The following TRIM51G variants were observed in gnomAD, a reference collection of about 807,000 sequenced individuals.
TRIM51G encodes the protein tripartite motif-containing protein 51G.
the TRIM51G span, chr11:48,975,951 C>T: frequency 1.4e-6 from 1 of 724,250 alleles, no homozygotes; most frequent in African/African-American, 1.7e-5. Context: ...AATCTCCATG[C>T]AGGAAGATAT....
the TRIM51G span, chr11:48,978,074 C>A: frequency 2.1e-6 from 1 of 483,812 alleles, no homozygotes; most frequent in Non-Finnish European, 4.3e-6. Flanking sequence ...CCTTCAATAT[C>A]AAAGTTCCTG....
the TRIM51G span, chr11:48,978,973 T>G: frequency 6.4e-7 from 1 of 1,552,334 alleles, no homozygotes; most frequent in Non-Finnish European, 8.9e-7. Flanking sequence ...TTGCTTTCAT[T>G]GAGTTGCTGA....
At chr11:48,976,246 C>G in the TRIM51G span, among the ~76,000 whole-genome samples, 3 of 152,054 alleles carry the variant, frequency 2.0e-5, no homozygotes, top group Non-Finnish European at 4.4e-5. Context: ...GAATAAAAGA[C>G]CAGCCTGTTT....
the TRIM51G span, chr11:48,981,166 G>C: frequency 1.4e-5 from 20 of 1,455,862 alleles, no homozygotes; most frequent in Non-Finnish European, 1.9e-5. Flanking sequence ...AGTCAAGGAA[G>C]CTCATAACAG....
the TRIM51G span, chr11:48,976,086 C>G: frequency 0.03 from 11,282 of 372,508 alleles, 237 homozygotes; most frequent in Non-Finnish European, 0.042. Flanking sequence ...CAAGAATTTA[C>G]TTTGCCAAGA....
chr11:48,978,223 T>G, the TRIM51G span: 6 of 526,964 alleles, frequency 1.1e-5, no homozygotes. Context: ...AAGTTCATTG[T>G]GTGATATGGA....
the TRIM51G span, among the ~76,000 whole-genome samples, chr11:48,977,463 A>G: frequency 6.6e-6 from 1 of 152,150 alleles, no homozygotes; most frequent in East Asian, 1.9e-4. Context: ...TTCAAAAATG[A>G]AATTCTGGAT....
chr11:48,980,132 T>A, the TRIM51G span, among the ~76,000 whole-genome samples: 1 of 152,192 alleles, frequency 6.6e-6, no homozygotes, highest in African/African-American at 2.4e-5. Context: ...TTGTGTTTTC[T>A]TTCTTCTTTA....
At chr11:48,982,533 T>C in the TRIM51G span, among the ~76,000 whole-genome samples, 19 of 152,066 alleles carry the variant, frequency 1.2e-4, no homozygotes, top group Non-Finnish European at 2.4e-4. Flanking sequence ...TCAATGTGGG[T>C]GGACACTATC....
the TRIM51G span, among the ~76,000 whole-genome samples, chr11:48,982,158 C>T: frequency 2.0e-5 from 3 of 151,926 alleles, no homozygotes; most frequent in Non-Finnish European, 4.4e-5. Flanking sequence ...ACCCAGAAGC[C>T]GGCTCTTTAA....
At chr11:48,979,047 G>A in the TRIM51G span, 10 of 947,258 alleles carry the variant, frequency 1.1e-5, no homozygotes, top group Non-Finnish European at 1.7e-5. Context: ...ATGGAAAAAT[G>A]CAACCATCTT....
At chr11:48,983,863 C>G in the TRIM51G span, among the ~76,000 whole-genome samples, 1 of 152,026 alleles carries the variant, frequency 6.6e-6, no homozygotes, top group Non-Finnish European at 1.5e-5. Context: ...ATGCAGTTAA[C>G]TCTAAGTGCT....
At chr11:48,980,898 C>T in the TRIM51G span, 1 of 484,828 alleles carries the variant, frequency 2.1e-6, no homozygotes, top group African/African-American at 2.0e-5. Context: ...GAGTAACACA[C>T]TACTAACCTT....
the TRIM51G span, chr11:48,977,212 C>A: frequency 1.0e-6 from 1 of 980,774 alleles, no homozygotes; most frequent in Non-Finnish European, 1.6e-6. Context: ...GTTACCATAT[C>A]AACAGCCAAA....
the TRIM51G span, chr11:48,978,148 T>C: frequency 1.9e-6 from 1 of 529,344 alleles, no homozygotes; most frequent in Non-Finnish European, 3.9e-6. Flanking sequence ...CTTTGTAATA[T>C]GTCTCCAAAA....
At chr11:48,981,724 A>G in the TRIM51G span, 1 of 1,591,116 alleles carries the variant, frequency 6.3e-7, no homozygotes, top group Non-Finnish European at 8.6e-7. Context: ...GCAGCATGTC[A>G]TTTTGGGTTC....
the TRIM51G span, chr11:48,981,102 G>A: frequency 9.3e-7 from 1 of 1,073,038 alleles, no homozygotes. Context: ...TTAGCCCACA[G>A]AAAATAGAGT....
the TRIM51G span, among the ~76,000 whole-genome samples, chr11:48,979,977 C>T: frequency 4.6e-5 from 7 of 151,826 alleles, no homozygotes; most frequent in African/African-American, 9.7e-5. Context: ...AAAACTCAAA[C>T]CCTCATCCCC....
chr11:48,981,649 G>C, the TRIM51G span: 1 of 1,598,914 alleles, frequency 6.3e-7, no homozygotes, highest in South Asian at 1.1e-5. Context: ...CATGCAGATG[G>C]GACAGATGAG....
Sources: gnomAD v4.1 joint callset for allele counts (sites outside exome capture counted in the v4.1 genomes callset) on GRCh38, gnomAD v4.1.1 for gene constraint, MANE v1.5 for transcripts, NCBI Gene and HGNC (gene_info 2026-07-23, HGNC 2026-07-21) for gene names.